The following UNC79 variants were observed in gnomAD, a reference collection of about 807,000 sequenced individuals.
UNC79 encodes the protein unc-79 subunit of NALCN channel complex, also known as protein unc-79 homolog.
A neutral mutation model predicts 283.1 loss-of-function variants in UNC79; 37 were observed. The observed-to-expected ratio is 0.13, with a 90% CI of 0.10 to 0.17. The LOEUF is 0.17. Ranked by LOEUF, UNC79 falls within the 10% of genes least tolerant of loss-of-function variation. The probability of loss-of-function intolerance (pLI) is 1.00; values close to 1 mark genes in which losing one functional copy is unlikely to be tolerated. For missense variants in UNC79, 2,272 were observed against 3,211.1 expected, an observed-to-expected ratio of 0.71 and a Z score of 7.07; for synonymous variants, 1,107 against 1,200.2, an observed-to-expected ratio of 0.92 and a Z score of 1.61.
At position 93,674,998 on chromosome 14, in the gene UNC79, G is replaced by C. The variant is rs139653659; in HGVS notation, c.6741+1543G>C. Among the ~76,000 whole-genome samples the C allele has an allele frequency of 1.9e-3, 286 of 152,222 alleles. 1 individual carries two copies. The South Asian group carries it at 0.02, about 11-fold the overall frequency. ...TTGTGCACCTCTTTAATCTCTTTCC[G>C]CACCAACCCAATCTTCTGGCCTGTG... On this transcript the variant is annotated intron_variant, in intron 41 of 48. Coordinates refer to ENST00000555664, the Ensembl canonical transcript of UNC79.
intron 1 of UNC79, among the ~76,000 whole-genome samples, chr14:93,380,611 T>G (rs1023435871): frequency 1.3e-5 from 2 of 152,224 alleles, no homozygotes; most frequent in East Asian, 3.8e-4. Flanking sequence ...TTTGTTTGTG[T>G]GCATCCCCTG....
chr14:93,483,946 A>G (rs1201171747), intron 4 of UNC79, among the ~76,000 whole-genome samples: 1 of 152,156 alleles, frequency 6.6e-6, no homozygotes. Flanking sequence ...TCATTGATGG[A>G]CATTTGGGTT....
chr14:93,452,375 ATTTTTTTTTTT>A (rs35284465), intron 1 of UNC79, among the ~76,000 whole-genome samples: 1 of 108,864 alleles, frequency 9.2e-6, no homozygotes, highest in Non-Finnish European at 1.8e-5. Flanking sequence ...GGACTGCATG[ATTTTTTTTTTT>A]TTTTTTTTTT....
chr14:93,364,461 G>C (rs1715139961), intron 1 of UNC79, among the ~76,000 whole-genome samples: 2 of 151,048 alleles, frequency 1.3e-5, no homozygotes, highest in South Asian at 4.2e-4. Flanking sequence ...AGATCAAGAA[G>C]GTGGCACATA....
intron 7 of UNC79, among the ~76,000 whole-genome samples, chr14:93,520,403 T>C (rs2060268121): frequency 6.6e-6 from 1 of 151,914 alleles, no homozygotes. Context: ...GCTTTTATCT[T>C]GCCTAGGATT....
At chr14:93,512,900 T>C (rs890480480) in intron 7 of UNC79, among the ~76,000 whole-genome samples, 3 of 152,166 alleles carry the variant, frequency 2.0e-5, no homozygotes, top group African/African-American at 7.2e-5. Context: ...GGATCACATT[T>C]TCTAGTCCTT....
chr14:93,696,423 T>A (rs1383391071), intron 47 of UNC79, among the ~76,000 whole-genome samples: 1 of 152,210 alleles, frequency 6.6e-6, no homozygotes, highest in Non-Finnish European at 1.5e-5. Flanking sequence ...CTCTGTTACA[T>A]CCAGTATATG....
At chr14:93,586,944 A>T in intron 22 of UNC79, 36 bp downstream of exon 22, 1 of 1,595,238 alleles carries the variant, frequency 6.3e-7, no homozygotes, top group South Asian at 1.2e-5. Context: ...GATTGTTTAT[A>T]CATTAGGCTT....
Position 93,621,701 on chromosome 14 carries a change from C to T in UNC79, c.4468C>T (p.Pro1490Ser). Reference sequence around the variant, plus strand: ...CCACTGTGTGAGAGAAGAAAGCATTCCGAAAAAAAAGCTACGCTCTTTCAA... The same window carrying T: ...CCACTGTGTGAGAGAAGAAAGCATTTCGAAAAAAAAGCTACGCTCTTTCAA... Residue 1490 changes from proline (P) to serine (S), a missense_variant, in exon 30 of 49, where the codon CCG (proline) becomes TCG (serine). By Grantham distance (74) the Pro-to-Ser change is moderately conservative. Around this residue, in one of 11 missense-constraint regions of UNC79, gnomAD observed 580 missense variants for 632.2 expected, o/e 0.92. Coordinates refer to ENST00000555664, the Ensembl canonical transcript of UNC79. The surrounding 1 kb of genome is among the most constrained non-coding windows in gnomAD (Gnocchi z 4.8). The T allele has an allele frequency of 6.2e-7, 1 of 1,613,386 alleles. No individual in the cohort carries two copies. Among genetic ancestry groups the T allele is most frequent in the Non-Finnish European group, 8.5e-7 (1 of 1,179,788 alleles).
Position 93,653,984 on chromosome 14 carries a change from A to G in UNC79, c.6241A>G (p.Asn2081Asp), listed in dbSNP as rs367696748. Residue 2081 changes from asparagine (N) to aspartate (D), a missense_variant, in exon 37 of 49, where the codon AAT becomes GAT. This residue lies in a region of UNC79 where 287 missense variants were observed against 446.4 expected (regional missense o/e 0.64). Coordinates refer to ENST00000555664, the Ensembl canonical transcript of UNC79. ...CTTAGCCTCGTCTCTGATGGACTTC[A>G]ATGAGCTGAGCTCCATCGCAGCTCT... is the stretch of plus-strand genomic sequence containing the variant. 5 of 1,613,912 alleles carry G rather than the reference A, an allele frequency of 3.1e-6. No homozygotes were observed. In the African/African-American group the frequency reaches 4.0e-5, roughly 13 times the overall value.
chr14:93,582,232 CCTT>C (rs751139192), exon 20 of UNC79: 50 of 1,614,176 alleles, frequency 3.1e-5, no homozygotes, highest in Non-Finnish European at 4.2e-5. Flanking sequence ...AGGATAGCCT[CCTT>C]TCTTCCAGAC....
At chr14:93,533,182 A>T (rs988364638) in intron 11 of UNC79, among the ~76,000 whole-genome samples, 10 of 152,148 alleles carry the variant, frequency 6.6e-5, no homozygotes, top group Non-Finnish European at 8.8e-5. Flanking sequence ...ATTTTTGACT[A>T]GTTGGTTGAG....
chr14:93,484,138 C>T (rs557667418), intron 4 of UNC79, among the ~76,000 whole-genome samples: 1 of 152,324 alleles, frequency 6.6e-6, no homozygotes, highest in African/African-American at 2.4e-5. Context: ...AGTTTACAGT[C>T]CCACCAACAG....
upstream of UNC79, among the ~76,000 whole-genome samples, chr14:93,425,673 G>A (rs1303645973): frequency 6.6e-6 from 1 of 152,008 alleles, no homozygotes; most frequent in Non-Finnish European, 1.5e-5. Context: ...TTATTCATAG[G>A]GGAAGAAGCA....
chr14:93,337,262 A>G (rs1040888252), intron 1 of UNC79, among the ~76,000 whole-genome samples: 15 of 152,222 alleles, frequency 9.9e-5, no homozygotes, highest in African/African-American at 3.4e-4. Flanking sequence ...GAGTCTACGC[A>G]CTTTGGGTCT....
intron 1 of UNC79, among the ~76,000 whole-genome samples, chr14:93,449,566 A>G (rs2056568356): frequency 6.6e-6 from 1 of 151,880 alleles, no homozygotes; most frequent in Non-Finnish European, 1.5e-5. Context: ...TGCAGTGACC[A>G]GTGACTGCAC....
chr14:93,554,047 C>T (rs974849916), intron 14 of UNC79, among the ~76,000 whole-genome samples: 4 of 152,076 alleles, frequency 2.6e-5, no homozygotes, highest in South Asian at 2.1e-4. Context: ...TTCTAAATAA[C>T]CAGACCCAGT....
At position 93,641,235 on chromosome 14, in the gene UNC79, T is replaced by C. The variant is rs2069003284; in HGVS notation, c.5891T>C (p.Val1964Ala). The change falls in exon 33 of 49, where the codon GTG (valine) becomes GCG (alanine). Residue 1964 changes from valine to alanine, a missense_variant. Coordinates refer to ENST00000555664, the Ensembl canonical transcript of UNC79. ...GAGTTCACTGACGAGCAGCCGACGG[T>C]GATGACGGACAAGTAAGCTCGCACA... 7 of 1,612,900 alleles carry C rather than the reference T, an allele frequency of 4.3e-6. No individual in the cohort carries two copies. The highest frequency in any genetic ancestry group is 1.6e-4 in the Middle Eastern group (1 of 6,062).
rs1295406981 is a variant in UNC79 at position 93,548,346 on chromosome 14, AG to A, written c.1755+5652del. Reference sequence around the variant, plus strand: ...TCTCATGATCTAGTCACCTCCCAATAGGCCCCACCTTCTAACATCATCACAT... The same window carrying A: ...TCTCATGATCTAGTCACCTCCCAATAGCCCCACCTTCTAACATCATCACAT... On this transcript the variant is annotated intron_variant, in intron 14 of 48. Transcript: ENST00000555664. Among the ~76,000 whole-genome samples the A allele has an allele frequency of 3.3e-5, 5 of 152,302 alleles. No homozygotes were observed. In the East Asian group the frequency reaches 7.7e-4, roughly 24 times the overall value.
Sources: allele counts gnomAD v4.1 joint callset (sites outside exome capture counted in the v4.1 genomes callset), GRCh38; gene constraint gnomAD v4.1.1; regional missense constraint gnomAD v4.1.1; non-coding constraint Gnocchi (gnomAD v3.1); transcripts MANE v1.5; gene names NCBI Gene and HGNC (gene_info 2026-07-23, HGNC 2026-07-21).